PABPC4L: variants seen among roughly 807,000 people sequenced by gnomAD.
The protein encoded by PABPC4L is poly(A) binding protein cytoplasmic 4 like.
For missense variants in PABPC4L, 452 were observed against 451.4 expected (o/e 1.00, Z -0.01); for synonymous variants, 169 against 164.1 (o/e 1.03, Z -0.23).
chr4:134,164,596 T>C, the PABPC4L span, among the ~76,000 whole-genome samples: 1 of 151,992 alleles, frequency 6.6e-6, no homozygotes, highest in Non-Finnish European at 1.5e-5. Flanking sequence ...CAAGGAGAAA[T>C]ACAAAAGTGT....
At chr4:134,164,570 A>G in the PABPC4L span, among the ~76,000 whole-genome samples, 1 of 152,298 alleles carries the variant, frequency 6.6e-6, no homozygotes. Flanking sequence ...TTCTTAAAAA[A>G]TGTGAAAGAT....
chr4:134,068,971 A>G, the PABPC4L span, among the ~76,000 whole-genome samples: 5 of 152,100 alleles, frequency 3.3e-5, no homozygotes, highest in East Asian at 7.7e-4. Flanking sequence ...GGGACTCCCA[A>G]AGTGCTGGGA....
chr4:134,176,270 C>T, the PABPC4L span, among the ~76,000 whole-genome samples: 2 of 151,672 alleles, frequency 1.3e-5, no homozygotes, highest in Non-Finnish European at 2.9e-5. Flanking sequence ...TGATTATAAG[C>T]TATATTATTA....
the PABPC4L span, among the ~76,000 whole-genome samples, chr4:134,044,101 T>A: frequency 6.6e-6 from 1 of 152,002 alleles, no homozygotes; most frequent in South Asian, 2.1e-4. Flanking sequence ...ACAGCCATGC[T>A]AATTTTTTTG....
At chr4:134,095,183 G>T in the PABPC4L span, among the ~76,000 whole-genome samples, 8 of 151,588 alleles carry the variant, frequency 5.3e-5, no homozygotes, top group Non-Finnish European at 1.0e-4. Context: ...ATTTTTAAGA[G>T]ATCTGTAATA....
At chr4:134,052,666 C>G in the PABPC4L span, among the ~76,000 whole-genome samples, 3 of 151,296 alleles carry the variant, frequency 2.0e-5, no homozygotes, top group Non-Finnish European at 4.4e-5. Flanking sequence ...TTGGTCATAA[C>G]AGGAAAGTCC....
At chr4:134,101,224 G>T in the PABPC4L span, among the ~76,000 whole-genome samples, 1 of 151,074 alleles carries the variant, frequency 6.6e-6, no homozygotes, top group Non-Finnish European at 1.5e-5. Flanking sequence ...AGATGGAGGC[G>T]CATTTAACTT....
chr4:134,041,644 C>G, the PABPC4L span, among the ~76,000 whole-genome samples: 2 of 151,810 alleles, frequency 1.3e-5, no homozygotes, highest in Admixed American at 1.3e-4. Context: ...AGCAAACCAC[C>G]GTGGCACGTG....
At chr4:134,122,820 T>C in the PABPC4L span, among the ~76,000 whole-genome samples, 1 of 151,994 alleles carries the variant, frequency 6.6e-6, no homozygotes, top group Admixed American at 6.6e-5. Flanking sequence ...TCTACTTATG[T>C]ATTGATGATT....
At chr4:134,108,313 G>C in the PABPC4L span, among the ~76,000 whole-genome samples, 43 of 151,796 alleles carry the variant, frequency 2.8e-4, 1 homozygote, top group East Asian at 2.9e-3. Flanking sequence ...TTCTAATTTT[G>C]TGTTGTATTG....
At chr4:133,988,407 C>T in the PABPC4L span, among the ~76,000 whole-genome samples, 2 of 152,190 alleles carry the variant, frequency 1.3e-5, no homozygotes, top group African/African-American at 2.4e-5. Flanking sequence ...TAAATACATC[C>T]ACTCCAAATT....
chr4:134,053,748 TA>T, the PABPC4L span, among the ~76,000 whole-genome samples: 1 of 152,026 alleles, frequency 6.6e-6, no homozygotes, highest in Admixed American at 6.6e-5. Context: ...AGAGAATAGA[TA>T]TTTTTTAAAA....
chr4:134,024,429 C>T, the PABPC4L span, among the ~76,000 whole-genome samples: 5 of 152,174 alleles, frequency 3.3e-5, no homozygotes, highest in Admixed American at 1.3e-4. Flanking sequence ...ATTTTTGGTG[C>T]GGCTACTCTT....
chr4:134,092,034 A>G, the PABPC4L span, among the ~76,000 whole-genome samples: 1 of 151,988 alleles, frequency 6.6e-6, no homozygotes, highest in Non-Finnish European at 1.5e-5. Flanking sequence ...TTCATTTTCA[A>G]TGCTCTGGAA....
chr4:133,963,231 T>C, the PABPC4L span, among the ~76,000 whole-genome samples: 3 of 152,052 alleles, frequency 2.0e-5, no homozygotes, highest in Non-Finnish European at 4.4e-5. Context: ...CAACAGCAGT[T>C]AAAAAAGACA....
At chr4:133,974,637 T>G in the PABPC4L span, among the ~76,000 whole-genome samples, 1 of 152,068 alleles carries the variant, frequency 6.6e-6, no homozygotes, top group South Asian at 2.1e-4. Context: ...ATAAGGAACT[T>G]GAATACAGAC....
At chr4:133,958,723 G>GA in the PABPC4L span, among the ~76,000 whole-genome samples, 1 of 152,108 alleles carries the variant, frequency 6.6e-6, no homozygotes, top group African/African-American at 2.4e-5. Flanking sequence ...GAGCAAATGG[G>GA]AAAAAGCCCC....
At chr4:134,099,909 T>A in the PABPC4L span, among the ~76,000 whole-genome samples, 2 of 151,872 alleles carry the variant, frequency 1.3e-5, no homozygotes, top group African/African-American at 4.8e-5. Context: ...TCTGCAGGCA[T>A]CATTCTGGAA....
the PABPC4L span, among the ~76,000 whole-genome samples, chr4:134,112,496 T>G: frequency 6.6e-6 from 1 of 151,912 alleles, no homozygotes; most frequent in Non-Finnish European, 1.5e-5. Context: ...CTTATAATAA[T>G]CCTTTCTCTT....
Sources: gnomAD v4.1 joint callset for allele counts (sites outside exome capture counted in the v4.1 genomes callset) on GRCh38, gnomAD v4.1.1 for gene constraint, MANE v1.5 for transcripts, NCBI Gene and HGNC (gene_info 2026-07-23, HGNC 2026-07-21) for gene names.